The following SLFN12L variants were observed in gnomAD, a reference collection of about 807,000 sequenced individuals.
SLFN12L encodes the protein schlafen family member 12-like.
SLFN12L carries 34 observed loss-of-function variants against 34.8 expected under a neutral mutation model. The observed-to-expected ratio is 0.98, with a 90% CI of 0.74 to 1.30. The LOEUF is 1.30. Among genes scored for constraint, SLFN12L ranks in the 50% most tolerant of loss-of-function variants. The pLI is 0.00. For synonymous variants in SLFN12L, 259 were observed against 247.5 expected (o/e 1.05, Z -0.44); for missense variants, 703 against 696.2 (o/e 1.01, Z -0.11).
chr17:35,491,101 G>A (rs1432788270), intron 2 of SLFN12L: 1 of 776,806 alleles, frequency 1.3e-6, no homozygotes, highest in Non-Finnish European at 2.4e-6. Context: ...TGCCTCCCCT[G>A]CTGCAAGATG....
rs143824412 is a variant in SLFN12L, at chr17:35,477,052, C to T, written c.1276+1023G>A. Among the ~76,000 whole-genome samples, 746 of 152,286 alleles carry T rather than the reference C, an allele frequency of 4.9e-3. 6 individuals are homozygous for T. The highest frequency in any genetic ancestry group is 0.018 in the African/African-American group (728 of 41,566). On this transcript the variant is annotated intron_variant, in intron 4 of 4. Coordinates refer to ENST00000628453, the MANE Select transcript of SLFN12L (RefSeq NM_001363830.2). ...AAATAGGTGAAAAGATGAAGATGTC[C>T]TGATCCTCTTACAGGCTCAGAAAAT...
chr17:35,498,914 GCAGAACGATGCTGCCCTGGAGGTCTTA>G (rs1252483175), intron 2 of SLFN12L: 21 of 713,226 alleles, frequency 2.9e-5, no homozygotes, highest in Non-Finnish European at 4.6e-5. Flanking sequence ...GCCCTATTCT[GCAGAACGATGCTGCCCTGGAGGTCTTA>G]CAGGAGCGCA....
intron 2 of SLFN12L, chr17:35,490,064 G>GGCGCC: frequency 6.2e-7 from 1 of 1,605,956 alleles, no homozygotes. Context: ...CCTCCAAAGC[G>GGCGCC]GCGCCGTAGC....
intron 2 of SLFN12L, chr17:35,490,710 T>C: frequency 7.5e-7 from 1 of 1,332,326 alleles, no homozygotes. Flanking sequence ...AAAGGTTAGC[T>C]TACGTTACAT....
chr17:35,483,189 A>G (rs1035222297), intron 2 of SLFN12L, among the ~76,000 whole-genome samples: 5 of 152,142 alleles, frequency 3.3e-5, no homozygotes, highest in Non-Finnish European at 7.4e-5. Flanking sequence ...TACCCTCCCC[A>G]GGGCCTCCCC....
intron 2 of SLFN12L, among the ~76,000 whole-genome samples, chr17:35,488,996 G>A (rs987804792): frequency 2.0e-5 from 3 of 152,122 alleles, no homozygotes; most frequent in Non-Finnish European, 2.9e-5. Context: ...CTTGAACCGG[G>A]GAGGCGGAAG....
chr17:35,477,076 A>G (rs1179102346), intron 4 of SLFN12L, among the ~76,000 whole-genome samples: 1 of 152,186 alleles, frequency 6.6e-6, no homozygotes, highest in African/African-American at 2.4e-5. Flanking sequence ...GGCTCAGAAA[A>G]TTGAAATCAA....
In SLFN12L at chr17:35,479,349, C is replaced by T; in HGVS notation, c.933G>A (p.Gly311=). Residue 311 remains glycine, a synonymous_variant, in exon 3 of 5, where the codon GGG becomes GGA. Transcript: ENST00000628453. ...KLEEVTKNSI[G]KLPVHHFCVE... The stretch of plus-strand genomic sequence containing the variant: ...CACAGAAGTGATGCACAGGCAGTTT[C>T]CCAATGGAATTTTTTGTTACTTCTT... The T allele has an allele frequency of 6.3e-7, 1 of 1,591,228 alleles. No individual in the cohort carries two copies. The highest frequency in any genetic ancestry group is 8.6e-7 in the Non-Finnish European group (1 of 1,167,216).
At chr17:35,527,557 T>C (rs943831033) in intron 1 of SLFN12L, among the ~76,000 whole-genome samples, 1 of 151,976 alleles carries the variant, frequency 6.6e-6, no homozygotes, top group African/African-American at 2.4e-5. Context: ...CATACGCAAA[T>C]CAATAAACGT....
chr17:35,477,275 G>C lies in SLFN12L; in HGVS notation c.1276+800C>G, dbSNP rs1330036344. On this transcript the variant is annotated intron_variant, in intron 4 of 4. Transcript: ENST00000628453. ...CCCTACATCACCGTTTATGGATGTG[G>C]ATTACATATTTAAATGTTAAATGTT... Among the ~76,000 whole-genome samples, 5 of 152,130 alleles carry C rather than the reference G, an allele frequency of 3.3e-5. No individual in the cohort carries two copies. In the East Asian group the frequency reaches 9.6e-4, roughly 29 times the overall value.
rs1317895206 is a variant in SLFN12L at position 35,470,643 on chromosome 17, G to C, written c.*4280C>G. ...GTTCAGGGCTGGAAAGACTCCAAGA[G>C]TGTGAACATGCTCCCACTGTTTTAA... On this transcript the variant is annotated 3_prime_UTR_variant, in exon 5 of 5. Coordinates refer to ENST00000628453, the MANE Select transcript of SLFN12L (RefSeq NM_001363830.2). 1 of 151,444 alleles carries C rather than the reference G, an allele frequency of 6.6e-6. No homozygotes were observed. The highest frequency in any genetic ancestry group is 1.5e-5 in the Non-Finnish European group (1 of 67,944). The allele number at this position is 151,444 out of a possible 1,614,324, so 9.4% of individuals were successfully genotyped here.
chr17:35,488,799 G>A (rs1343435457), intron 2 of SLFN12L, among the ~76,000 whole-genome samples: 1 of 152,174 alleles, frequency 6.6e-6, no homozygotes, highest in Admixed American at 6.5e-5. Flanking sequence ...GCCGGGCGCG[G>A]TGGCTCAGGA....
At chr17:35,507,812 T>C (rs1252100588) in intron 2 of SLFN12L, among the ~76,000 whole-genome samples, 1 of 152,240 alleles carries the variant, frequency 6.6e-6, no homozygotes, top group African/African-American at 2.4e-5. Context: ...AAGTGTACTA[T>C]ATGAATCACT....
rs1439023824 is a variant in SLFN12L, at chr17:35,465,425, T to C, written c.*9498A>G. On this transcript the variant is annotated 3_prime_UTR_variant, in exon 5 of 5. Transcript: ENST00000628453. ...GCCTTAAAGTATCTCGTATTGAACA[T>C]AGACTCCATGTCACAATAAATAATA... Among the ~76,000 whole-genome samples the C allele has an allele frequency of 6.6e-6, 1 of 152,052 alleles. No homozygotes were observed. Among genetic ancestry groups the C allele is most frequent in the African/African-American group, 2.4e-5 (1 of 41,384 alleles).
rs1597822125 is a variant in SLFN12L at position 35,468,142 on chromosome 17, C to T, written c.*6781G>A. 6.6e-6 allele frequency among the ~76,000 whole-genome samples: 1 copy of T among 152,144 alleles called. No homozygotes were observed. Among genetic ancestry groups the T allele is most frequent in the Non-Finnish European group, 1.5e-5 (1 of 68,036 alleles). On this transcript the variant is annotated 3_prime_UTR_variant, in exon 5 of 5. Coordinates refer to ENST00000628453, the MANE Select transcript of SLFN12L (RefSeq NM_001363830.2). Reference sequence around the variant, plus strand: ...CCCAGGCTGGTCTTGAATGCCTGAGCTCAAGCAATGCACCTGCTTTGGCCT... The same window carrying T: ...CCCAGGCTGGTCTTGAATGCCTGAGTTCAAGCAATGCACCTGCTTTGGCCT...
At chr17:35,505,871 T>C (rs936364577) in intron 2 of SLFN12L, among the ~76,000 whole-genome samples, 5 of 152,232 alleles carry the variant, frequency 3.3e-5, no homozygotes, top group Non-Finnish European at 5.9e-5. Flanking sequence ...TGGACTTGTA[T>C]AGTAAGTACT....
intron 2 of SLFN12L, among the ~76,000 whole-genome samples, chr17:35,511,853 GAAAC>G (rs879710765): frequency 5.3e-5 from 8 of 152,168 alleles, no homozygotes; most frequent in Admixed American, 1.3e-4. Flanking sequence ...ACAAATTGTG[GAAAC>G]AAACAATGTA....
intron 1 of SLFN12L, among the ~76,000 whole-genome samples, chr17:35,535,635 C>T (rs535644817): frequency 1.5e-4 from 23 of 151,906 alleles, no homozygotes; most frequent in South Asian, 1.2e-3. Flanking sequence ...TACAGGTGTA[C>T]GCCACCATGC....
chr17:35,490,812 A>G (rs936514066), intron 2 of SLFN12L: 4 of 1,327,938 alleles, frequency 3.0e-6, no homozygotes, highest in East Asian at 2.3e-5. Context: ...GCCTGACTCA[A>G]TAAGAGAGCC....
Sources: gnomAD v4.1 joint callset for allele counts (sites outside exome capture counted in the v4.1 genomes callset) on GRCh38, gnomAD v4.1.1 for gene constraint, MANE v1.5 for transcripts, NCBI Gene and HGNC (gene_info 2026-07-23, HGNC 2026-07-21) for gene names.